KCNQ5: variants seen among roughly 807,000 people sequenced by gnomAD.
KCNQ5 encodes the protein potassium voltage-gated channel subfamily KQT member 5.
Under a neutral mutation model 98.2 loss-of-function variants are expected in KCNQ5, and 30 were observed. That is an observed-to-expected ratio of 0.31 (90% CI 0.23 to 0.41). KCNQ5 has a LOEUF of 0.41. KCNQ5 is among the 10% of genes least tolerant of loss of function. The pLI is 1.00. For synonymous variants in KCNQ5, 458 were observed against 449.4 expected (o/e 1.02, Z -0.24); for missense variants, 835 against 1,182.5 (o/e 0.71, Z 4.31).
At chr6:72,829,757 G>A (rs1049022451) in intron 1 of KCNQ5, among the ~76,000 whole-genome samples, 26 of 152,056 alleles carry the variant, frequency 1.7e-4, no homozygotes, top group Non-Finnish European at 3.4e-4. Flanking sequence ...TACAAAAGGT[G>A]GAATGAATAG....
intron 1 of KCNQ5, among the ~76,000 whole-genome samples, chr6:72,626,212 T>C (rs938345927): frequency 1.3e-5 from 2 of 152,092 alleles, no homozygotes; most frequent in African/African-American, 2.4e-5. Flanking sequence ...CAAAGTGACA[T>C]GAGAAAAGAA....
chr6:73,136,152 G>A (rs2796051), intron 10 of KCNQ5: 18,893 of 152,072 alleles, frequency 0.12, 2,356 homozygotes, highest in African/African-American at 0.33. Context: ...CCCGGCCCTG[G>A]TTTCACACTG....
At chr6:72,969,437 A>G (rs1312250214) in intron 1 of KCNQ5, among the ~76,000 whole-genome samples, 1 of 152,172 alleles carries the variant, frequency 6.6e-6, no homozygotes, top group African/African-American at 2.4e-5. Context: ...GCAATTTCAT[A>G]TGGTTGAACC....
At chr6:72,641,999 C>T (rs957883960) in intron 1 of KCNQ5, among the ~76,000 whole-genome samples, 2 of 151,510 alleles carry the variant, frequency 1.3e-5, no homozygotes, top group Non-Finnish European at 2.9e-5. Context: ...TCTTAACCTC[C>T]ACGCTGATGG....
intron 1 of KCNQ5, among the ~76,000 whole-genome samples, chr6:72,643,052 A>G (rs1356335381): frequency 6.6e-6 from 1 of 152,152 alleles, no homozygotes; most frequent in Non-Finnish European, 1.5e-5. Context: ...AGTGGGAGCT[A>G]AATGATGAAA....
rs563971914 is a variant in KCNQ5 at position 73,089,906 on chromosome 6, T to C, written c.918+12019T>C. Among the ~76,000 whole-genome samples, 3 of 152,330 alleles carry C rather than the reference T, an allele frequency of 2.0e-5. No homozygotes were observed. In the East Asian group the frequency reaches 5.8e-4, roughly 29 times the overall value. On this transcript the variant is annotated intron_variant, in intron 5 of 13. Transcript: ENST00000370398. ...GCAAGTGTCTTCTTCATATAATGAC[T>C]TCTTTTCCTCTGGGTAGATAACCAG...
intron 1 of KCNQ5, among the ~76,000 whole-genome samples, chr6:72,749,686 T>C (rs866284345): frequency 1.3e-5 from 2 of 151,750 alleles, no homozygotes; most frequent in Admixed American, 1.3e-4. Flanking sequence ...ATAGCCCACA[T>C]AGGGAATAAT....
intron 10 of KCNQ5, among the ~76,000 whole-genome samples, chr6:73,166,512 T>TAAAAA (rs5877357): frequency 7.0e-6 from 1 of 143,584 alleles, no homozygotes; most frequent in Non-Finnish European, 1.5e-5. Context: ...TAGATTTCTC[T>TAAAAA]AAAAAAAAAA....
chr6:72,699,826 A>G lies in KCNQ5; in HGVS notation c.398+77239A>G, dbSNP rs149821922. Among the ~76,000 whole-genome samples the G allele has an allele frequency of 8.6e-4, 131 of 152,310 alleles. 1 individual carries two copies. The highest frequency in any genetic ancestry group is 3.0e-3 in the African/African-American group (124 of 41,574). ...GTACTCTTATTTTGGAGTACTGTTCATTACTTAGACTGTTAAATTAAACTT... is the reference window on the plus strand; with the variant it reads ...GTACTCTTATTTTGGAGTACTGTTCGTTACTTAGACTGTTAAATTAAACTT... On this transcript the variant is annotated intron_variant, in intron 1 of 13. Coordinates refer to ENST00000370398, the MANE Select transcript of KCNQ5 (RefSeq NM_019842.4).
rs1332979540 is a variant in KCNQ5, at chr6:72,906,103, C to T, written c.399-97805C>T. ...CTGTGGGGGATGGGGGTGAGGTTTCCAGGTTAATAGAGTTATGTAGGTAGG... is the reference window on the plus strand; with the variant it reads ...CTGTGGGGGATGGGGGTGAGGTTTCTAGGTTAATAGAGTTATGTAGGTAGG... On this transcript the variant is annotated intron_variant, in intron 1 of 13. Transcript: ENST00000370398. 5.9e-5 allele frequency among the ~76,000 whole-genome samples: 9 copies of T among 152,144 alleles called. No individual in the cohort carries two copies. In the East Asian group the frequency reaches 1.7e-3, roughly 29 times the overall value.
At chr6:72,810,260 TG>T (rs1362882882) in intron 1 of KCNQ5, among the ~76,000 whole-genome samples, 1 of 152,200 alleles carries the variant, frequency 6.6e-6, no homozygotes, top group Non-Finnish European at 1.5e-5. Context: ...TGGTAAACTT[TG>T]TTACTCACTC....
At chr6:72,987,454 A>T in intron 1 of KCNQ5, 1 of 679,078 alleles carries the variant, frequency 1.5e-6, no homozygotes, top group Non-Finnish European at 2.8e-6. Context: ...GGTTTTGACA[A>T]CGAGGAACAG....
chr6:72,658,580 T>TATATATA (rs35213829), intron 1 of KCNQ5, among the ~76,000 whole-genome samples: 49 of 64,830 alleles, frequency 7.6e-4, no homozygotes, highest in South Asian at 4.4e-3. Context: ...ATATATATAT[T>TATATATA]TTTTTTTTTT....
intron 1 of KCNQ5, among the ~76,000 whole-genome samples, chr6:72,834,787 T>C (rs1322250357): frequency 6.6e-6 from 1 of 152,108 alleles, no homozygotes; most frequent in East Asian, 1.9e-4. Flanking sequence ...GTATCCCAGA[T>C]AATATTCCAG....
At chr6:72,766,032 G>A (rs1382515273) in intron 1 of KCNQ5, among the ~76,000 whole-genome samples, 1 of 152,062 alleles carries the variant, frequency 6.6e-6, no homozygotes, top group African/African-American at 2.4e-5. Flanking sequence ...CTGCCTTTAT[G>A]TGGCTTATAT....
chr6:73,050,285 AG>A, intron 3 of KCNQ5, among the ~76,000 whole-genome samples: 1 of 126,304 alleles, frequency 7.9e-6, no homozygotes, highest in East Asian at 2.6e-4. Flanking sequence ...GAAGGAAGGA[AG>A]GAAGGAAGGA....
At chr6:72,729,528 C>G (rs1374274867) in intron 1 of KCNQ5, among the ~76,000 whole-genome samples, 1 of 152,180 alleles carries the variant, frequency 6.6e-6, no homozygotes, top group African/African-American at 2.4e-5. Context: ...TCAGGTGATC[C>G]TCCTTGCTGG....
At chr6:73,044,170 C>T (rs557104688) in intron 3 of KCNQ5, among the ~76,000 whole-genome samples, 111 of 152,210 alleles carry the variant, frequency 7.3e-4, no homozygotes, top group South Asian at 2.7e-3. Flanking sequence ...GTCCCAGCTA[C>T]TCAGAAGGCT....
At chr6:73,067,822 A>T (rs1582291981) in intron 3 of KCNQ5, among the ~76,000 whole-genome samples, 2 of 151,886 alleles carry the variant, frequency 1.3e-5, no homozygotes, top group South Asian at 2.1e-4. Flanking sequence ...TTTTCTCATT[A>T]CAAAAGCAAT....
Sources: gnomAD v4.1 joint callset for allele counts (sites outside exome capture counted in the v4.1 genomes callset) on GRCh38, gnomAD v4.1.1 for gene constraint, MANE v1.5 for transcripts, NCBI Gene and HGNC (gene_info 2026-07-23, HGNC 2026-07-21) for gene names.